Variants in BUD31 observed in about 807,000 individuals in gnomAD.
BUD31 encodes BUD31 spliceosome associated protein.
Under a neutral mutation model 17.9 loss-of-function variants are expected in BUD31, and 9 were observed. That is an observed-to-expected ratio of 0.50 (90% confidence interval 0.30 to 0.88). The LOEUF is 0.88. Among genes scored for constraint, BUD31 ranks in the 40% least tolerant of loss-of-function variants. The pLI is 0.06. For synonymous variants in BUD31, 70 were observed against 64.7 expected, an observed-to-expected ratio of 1.08 and a Z score of -0.39; for missense variants, 148 against 184.5, an observed-to-expected ratio of 0.80 and a Z score of 1.15.
At chr7:99,417,749 C>G (rs1795585818) in intron 5 of BUD31, 154 bp downstream of exon 5, 2 of 1,534,750 alleles carry the variant, frequency 1.3e-6, no homozygotes, top group East Asian at 4.9e-5. Context: ...TCCCTGTATT[C>G]AGGAATCCAT....
chr7:99,419,491 C>A lies in BUD31; in HGVS notation c.*50C>A. On this transcript the variant is annotated 3_prime_UTR_variant, in exon 6 of 6. Coordinates refer to ENST00000222969, the MANE Select transcript of BUD31 (RefSeq NM_003910.4). Reference sequence around the variant, plus strand: ...CTGGACTTCGCAGGTTCCTGCCTGTCACGCCACCCCCTTCCTGGGAGCAGC... The same window carrying A: ...CTGGACTTCGCAGGTTCCTGCCTGTAACGCCACCCCCTTCCTGGGAGCAGC... 6.3e-7 allele frequency: 1 copy of A among 1,599,990 alleles called. No homozygotes were observed. The highest frequency in any genetic ancestry group is 1.1e-5 in the South Asian group (1 of 90,926).
intron 4 of BUD31, chr7:99,417,188 C>T: frequency 4.9e-6 from 2 of 407,640 alleles, no homozygotes; most frequent in South Asian, 4.4e-5. Context: ...TCCTAAGTAG[C>T]TGGGATTACA....
intron 5 of BUD31, 164 bp downstream of exon 5, chr7:99,417,759 T>C (rs1795586275): frequency 3.3e-6 from 5 of 1,533,712 alleles, no homozygotes; most frequent in African/African-American, 1.4e-5. Flanking sequence ...CAGGAATCCA[T>C]GTGAGGCAGC....
intron 3 of BUD31, 145 bp from the exon 4 acceptor site, chr7:99,415,993 G>C: frequency 9.2e-7 from 1 of 1,087,426 alleles, no homozygotes; most frequent in Non-Finnish European, 1.3e-6. Context: ...TCGGTTTCTT[G>C]CCTCGGCACC....
At position 99,419,602 on chromosome 7, in the gene BUD31, C is replaced by A. The variant is rs548346307; in HGVS notation, c.*161C>A. On this transcript the variant is annotated 3_prime_UTR_variant, in exon 6 of 6. Transcript: ENST00000222969. ...CAGCTGTGATTTGTAAAAATAAAATCTTTAAATCTCTCGAGCCCCACGTCT... is the reference window on the plus strand; with the variant it reads ...CAGCTGTGATTTGTAAAAATAAAATATTTAAATCTCTCGAGCCCCACGTCT... 84 of 877,330 alleles carry A rather than the reference C, an allele frequency of 9.6e-5. No individual in the cohort carries two copies. The African/African-American group carries it at 1.2e-3, about 12-fold the overall frequency. 54.3% of individuals were successfully genotyped at this position (877,330 alleles called of 1,614,324 possible). A position where few individuals can be genotyped will look rare whatever the true frequency, so the allele number is the denominator to read the frequency against.
intron 5 of BUD31, chr7:99,419,145 G>T: frequency 3.6e-6 from 2 of 553,052 alleles, no homozygotes; most frequent in Admixed American, 3.2e-5. Context: ...ATTGGCAAAC[G>T]TGTGTTGGAT....
chr7:99,411,011 C>T (rs936002435), intron 2 of BUD31, 53 bp from the exon 3 acceptor site: 5 of 1,224,518 alleles, frequency 4.1e-6, no homozygotes, highest in Non-Finnish European at 5.9e-6. Flanking sequence ...TAATGGCTGG[C>T]AAAGGCCTTT....
Position 99,419,440 on chromosome 7 carries a change from G to T in BUD31, c.434G>T (p.Ter145LeuextTer48). 6.2e-7 allele frequency: 1 copy of T among 1,611,774 alleles called. No individual in the cohort carries two copies. The highest frequency in any genetic ancestry group is 8.5e-7 in the Non-Finnish European group (1 of 1,179,996). ...THCGCRGCSG* is the reference protein window; with the variant it reads ...THCGCRGCSGL ...TGTGGCTGTCGTGGCTGCTCTGGCT[G>T]AGGCTGGCGCGCTCCACCCTGGACT... Residue 145 changes from the stop codon to leucine, a stop_lost, in exon 6 of 6, where the codon TGA becomes TTA. Transcript: ENST00000222969.
chr7:99,416,091 C>T (rs561610480), intron 3 of BUD31, 47 bp from the exon 4 acceptor site: 40 of 1,602,810 alleles, frequency 2.5e-5, no homozygotes, highest in Admixed American at 5.0e-5. Flanking sequence ...GAAAATCCTG[C>T]GCAGACCGAC....
rs1389650299 is a variant in BUD31, at chr7:99,417,499, A to G, written c.288A>G (p.Gly96=). The change falls in exon 5 of 6, where the codon GGA becomes GGG. Residue 96 remains glycine (G), a synonymous_variant. Transcript: ENST00000222969. ...TGATTGCAAAATGGAAAAAGCAAGGATATGAGAACTTGTGCTGCCTGCGGT... is the reference window on the plus strand; with the variant it reads ...TGATTGCAAAATGGAAAAAGCAAGGGTATGAGAACTTGTGCTGCCTGCGGT... The part of the protein sequence containing the change: ...KNLIAKWKKQ[G]YENLCCLRCI... 14 of 1,611,740 alleles carry G rather than the reference A, an allele frequency of 8.7e-6. No homozygotes were observed. The Admixed American group carries it at 1.8e-4, about 21-fold the overall frequency.
At position 99,411,065 on chromosome 7, in the gene BUD31, T is replaced by A. The variant is rs1795163946; in HGVS notation, c.-28T>A. 1.9e-6 allele frequency: 3 copies of A among 1,595,150 alleles called. No individual in the cohort carries two copies. In the South Asian group the frequency reaches 3.3e-5, roughly 18 times the overall value. Reference sequence around the variant, plus strand: ...AACCAATTCATTTTTTTCCCCCAGATCTTTGCAGATTATCCTGTGGAAGGA... The same window carrying A: ...AACCAATTCATTTTTTTCCCCCAGAACTTTGCAGATTATCCTGTGGAAGGA... On this transcript the variant is annotated splice_region_variant and 5_prime_UTR_variant, in exon 3 of 6. Transcript: ENST00000222969.
intron 3 of BUD31, 40 bp downstream of exon 3, chr7:99,411,226 G>A (rs955215740): frequency 6.5e-7 from 1 of 1,537,166 alleles, no homozygotes; most frequent in Non-Finnish European, 9.0e-7. Flanking sequence ...CTGGGTCCAA[G>A]GGTCACAGGC....
rs772599070 is a variant in BUD31, at chr7:99,416,118, C to A, written c.95-20C>A. 1.9e-6 allele frequency: 3 copies of A among 1,612,148 alleles called. No homozygotes were observed. The highest frequency in any genetic ancestry group is 1.7e-4 in the Middle Eastern group (1 of 6,052). Reference sequence around the variant, plus strand: ...CAGACCGACCCTATTCCCCCAAACACACTCTTTGTTTCTCCCCAGCTGAAA... The same window carrying A: ...CAGACCGACCCTATTCCCCCAAACAAACTCTTTGTTTCTCCCCAGCTGAAA... On this transcript the variant is annotated intron_variant, in intron 3 of 5. Transcript: ENST00000222969.
chr7:99,416,371 C>A, intron 4 of BUD31, 111 bp downstream of exon 4: 1 of 1,407,566 alleles, frequency 7.1e-7, no homozygotes, highest in Non-Finnish European at 9.6e-7. Flanking sequence ...TTTCTTACCA[C>A]GAAAATTAGG....
chr7:99,412,849 C>T (rs1448681106), intron 3 of BUD31, among the ~76,000 whole-genome samples: 1 of 151,684 alleles, frequency 6.6e-6, no homozygotes, highest in Non-Finnish European at 1.5e-5. Flanking sequence ...TCTCGATCGC[C>T]TGACCTTGTG....
At chr7:99,419,325 CAT>C (rs991206971) in intron 5 of BUD31, 64 bp from the exon 6 acceptor site, 24 of 1,582,072 alleles carry the variant, frequency 1.5e-5, no homozygotes, top group Middle Eastern at 3.3e-4. Flanking sequence ...AGGGTTGCCA[CAT>C]ATGTGAGTGT....
intron 2 of BUD31, 122 bp from the exon 3 acceptor site, chr7:99,410,942 G>T (rs1795155778): frequency 3.2e-6 from 2 of 633,898 alleles, no homozygotes; most frequent in South Asian, 3.8e-5. Flanking sequence ...TCTGGGTGCT[G>T]AGCCCTGTCC....
intron 1 of BUD31, among the ~76,000 whole-genome samples, 172 bp downstream of exon 1, chr7:99,409,417 T>G (rs2150912555): frequency 6.6e-6 from 1 of 152,236 alleles, no homozygotes; most frequent in East Asian, 1.9e-4. Context: ...CTCGATCTGA[T>G]TACCTCCTAC....
In BUD31 at chr7:99,417,561, G is replaced by C; in HGVS notation, c.350G>C (p.Cys117Ser). ...QTRDTNFGTN[C>S]ICRVPKSKLE... is the part of the protein sequence containing the mutation. ...CGGGACACCAACTTCGGGACGAACT[G>C]CATCTGCCGCGTGCCCAAAAGCAAG... The change falls in exon 5 of 6, where the codon TGC becomes TCC. Residue 117 changes from cysteine to serine, a missense_variant. Cys to Ser is a moderately radical substitution (Grantham distance 112, BLOSUM62 -1). Transcript: ENST00000222969. 1 of 1,612,662 alleles carries C rather than the reference G, an allele frequency of 6.2e-7. No individual in the cohort carries two copies. The highest frequency in any genetic ancestry group is 8.5e-7 in the Non-Finnish European group (1 of 1,179,408).
Sources: allele counts gnomAD v4.1 joint callset (sites outside exome capture counted in the v4.1 genomes callset), GRCh38; gene constraint gnomAD v4.1.1; transcripts MANE v1.5; gene names NCBI Gene and HGNC (gene_info 2026-07-23, HGNC 2026-07-21).